The following CNTNAP1 variants were observed in gnomAD, a reference collection of about 807,000 sequenced individuals.
CNTNAP1 encodes contactin-associated protein 1.
CNTNAP1 carries 80 observed loss-of-function variants against 161.5 expected under a neutral mutation model. The observed-to-expected ratio is 0.50, with a 90% CI of 0.41 to 0.60. CNTNAP1 has a LOEUF of 0.60. Among genes scored for constraint, CNTNAP1 ranks in the 20% least tolerant of loss-of-function variants. The pLI is 0.00. For synonymous variants in CNTNAP1, 695 were observed against 733.1 expected (o/e 0.95, Z 0.84); for missense variants, 1,464 against 1,854.8 (o/e 0.79, Z 3.87).
Position 42,687,075 on chromosome 17 carries a change from A to C in CNTNAP1, c.1044+29A>C. Reference sequence around the variant, plus strand: ...AGTGGGCAGGGGGGTCTGGGAGGACAGGATATCAAAGCGTCGTGGAAAGCA... The same window carrying C: ...AGTGGGCAGGGGGGTCTGGGAGGACCGGATATCAAAGCGTCGTGGAAAGCA... On this transcript the variant is annotated intron_variant, in intron 7 of 23. Coordinates refer to ENST00000264638, the MANE Select transcript of CNTNAP1 (RefSeq NM_003632.3). The surrounding 1 kb of genome is among the most constrained non-coding windows in gnomAD (Gnocchi z 4.7). 6.3e-7 allele frequency: 1 copy of C among 1,596,720 alleles called. No homozygotes were observed. The highest frequency in any genetic ancestry group is 8.6e-7 in the Non-Finnish European group (1 of 1,167,034).
chr17:42,687,296 A>G lies in CNTNAP1; in HGVS notation c.1044+250A>G. 1.9e-6 allele frequency: 1 copy of G among 540,184 alleles called. No homozygotes were observed. Among genetic ancestry groups the G allele is most frequent in the Non-Finnish European group, 3.3e-6 (1 of 307,258 alleles). 33.5% of individuals were successfully genotyped at this position (540,184 alleles called of 1,614,324 possible). A position where few individuals can be genotyped will look rare whatever the true frequency, so the allele number is the denominator to read the frequency against. On this transcript the variant is annotated intron_variant, in intron 7 of 23. Coordinates refer to ENST00000264638, the MANE Select transcript of CNTNAP1 (RefSeq NM_003632.3). The surrounding 1 kb of genome is among the most constrained non-coding windows in gnomAD (Gnocchi z 4.7). ...GATGAAGAAAGTAAGGCGCAGACAC[A>G]GGGAGTGGCTTGTCCAGGGGTCGTG... is the stretch of plus-strand genomic sequence containing the variant.
Position 42,697,593 on chromosome 17 carries a change from C to G in CNTNAP1, c.3608C>G (p.Thr1203Ser). Residue 1203 changes from threonine to serine, a missense_variant, in exon 22 of 24, where the codon ACC becomes AGC. By Grantham distance (58) the Thr-to-Ser change is moderately conservative. Transcript: ENST00000264638. Reference sequence around the variant, plus strand: ...GACCCGGAGATCCAGCGCTACAACACCCCAGGTTTCTCAGGCTGCCTGTCT... The same window carrying G: ...GACCCGGAGATCCAGCGCTACAACAGCCCAGGTTTCTCAGGCTGCCTGTCT... ...VIDPEIQRYNTPGFSGCLSGV... is the reference protein window; with the variant it reads ...VIDPEIQRYNSPGFSGCLSGV... 6.2e-7 allele frequency: 1 copy of G among 1,614,104 alleles called. No homozygotes were observed. The highest frequency in any genetic ancestry group is 1.1e-5 in the South Asian group (1 of 91,082).
In CNTNAP1 at chr17:42,692,328, G is replaced by A. The variant is rs58219915; in HGVS notation, c.2531-171G>A. On this transcript the variant is annotated intron_variant, in intron 16 of 23. Coordinates refer to ENST00000264638, the MANE Select transcript of CNTNAP1 (RefSeq NM_003632.3). ...TCTGTGATGTGGGGAGAGACAAAGG[G>A]TATGAGGTTTTTAAGCAGCTGGTAA... Among the ~76,000 whole-genome samples the A allele has an allele frequency of 0.037, 5,657 of 152,292 alleles. 361 individuals are homozygous for A. The highest frequency in any genetic ancestry group is 0.12 in the African/African-American group (5,136 of 41,532).
chr17:42,696,417 G>A (rs2053152950), intron 20 of CNTNAP1, among the ~76,000 whole-genome samples: 1 of 150,592 alleles, frequency 6.6e-6, no homozygotes. Context: ...TCTGCCTCCC[G>A]GGTTCAAGCA....
At position 42,682,554 on chromosome 17, in the gene CNTNAP1, A is replaced by C; in HGVS notation, c.-276A>C. ...GGGAAACCGGCGCGTGCCAGGAGAC[A>C]GAGGCTGGGGAAGGGGGGAGGTGAG... On this transcript the variant is annotated 5_prime_UTR_variant, in exon 1 of 24. Coordinates refer to ENST00000264638, the MANE Select transcript of CNTNAP1 (RefSeq NM_003632.3). 6.1e-6 allele frequency: 3 copies of C among 489,214 alleles called. No individual in the cohort carries two copies. Among genetic ancestry groups the C allele is most frequent in the East Asian group, 3.9e-5 (1 of 25,338 alleles). The allele number at this position is 489,214 out of a possible 1,614,324, so 30.3% of individuals were successfully genotyped here. A position where few individuals can be genotyped will look rare whatever the true frequency, so the allele number is the denominator to read the frequency against.
Position 42,685,109 on chromosome 17 carries a change from T to G in CNTNAP1, c.482T>G (p.Leu161Arg). ...LAWNPRGKIG[L>R]RLGLYGCPYK... ...TGGAACCCACGCGGCAAGATCGGCC[T>G]GAGGCTCGGCCTCTATGGCTGCCCA... Residue 161 changes from leucine to arginine, a missense_variant, in exon 4 of 24, where the codon CTG becomes CGG. This residue lies in a region of CNTNAP1 where 1,383 missense variants were observed against 1,765.0 expected (regional missense o/e 0.78). Coordinates refer to ENST00000264638, the MANE Select transcript of CNTNAP1 (RefSeq NM_003632.3). This position sits in a 1 kb window ranked among gnomAD's most constrained non-coding sequence, Gnocchi z 5.0. The G allele has an allele frequency of 6.3e-7, 1 of 1,581,576 alleles. No individual in the cohort carries two copies. The highest frequency in any genetic ancestry group is 8.6e-7 in the Non-Finnish European group (1 of 1,162,536).
rs567668572 is a variant in CNTNAP1, at chr17:42,698,864, G to A, written c.4109G>A (p.Arg1370Gln). The A allele has an allele frequency of 6.1e-5, 82 of 1,338,548 alleles. No homozygotes were observed. Among genetic ancestry groups the A allele is most frequent in the Admixed American group, 2.1e-4 (10 of 48,546 alleles). The allele number at this position is 1,338,548 out of a possible 1,614,324, so 82.9% of individuals were successfully genotyped here. A position where few individuals can be genotyped will look rare whatever the true frequency, so the allele number is the denominator to read the frequency against. The stretch of plus-strand genomic sequence containing the variant: ...ACTCCAGCCCCAGCCCCTGGCCCCC[G>A]GGATCAGAACCTACCCCAGATCCTG... ...APTPAPAPGPRDQNLPQILEE... is the reference protein window; with the variant it reads ...APTPAPAPGPQDQNLPQILEE... The change falls in exon 24 of 24, where the codon CGG becomes CAG. Residue 1370 changes from arginine (R) to glutamine (Q), a missense_variant. Arg to Gln is a conservative substitution (Grantham distance 43). Transcript: ENST00000264638.
At chr17:42,697,409 G>A in intron 21 of CNTNAP1, 42 bp downstream of exon 21, 1 of 1,609,478 alleles carries the variant, frequency 6.2e-7, no homozygotes, top group Non-Finnish European at 8.5e-7. Context: ...AGGAGCTGTG[G>A]CATATGTTCC....
Position 42,692,479 on chromosome 17 carries a change from C to T in CNTNAP1, c.2531-20C>T, listed in dbSNP as rs1179929800. ...TAGGTCTGAGTCCTTTTCTCCCCTA[C>T]CCTGCATCACACTGTCCAGCATCCC... is the stretch of plus-strand genomic sequence containing the variant. On this transcript the variant is annotated intron_variant, in intron 16 of 23. Coordinates refer to ENST00000264638, the MANE Select transcript of CNTNAP1 (RefSeq NM_003632.3). 2.5e-6 allele frequency: 4 copies of T among 1,604,450 alleles called. No individual in the cohort carries two copies. Among genetic ancestry groups the T allele is most frequent in the Admixed American group, 1.7e-5 (1 of 59,826 alleles).
At position 42,697,897 on chromosome 17, in the gene CNTNAP1, C is replaced by T. The variant is rs1283649183; in HGVS notation, c.3815-6C>T. On this transcript the variant is annotated splice_region_variant and splice_polypyrimidine_tract_variant and intron_variant, in intron 22 of 23. Transcript: ENST00000264638. ...CATCTCCTAACTGGTGCTTTCTCCT[C>T]TCCAGACTTCCCCTACTACCATGAT... 6.2e-7 allele frequency: 1 copy of T among 1,614,058 alleles called. No homozygotes were observed. The highest frequency in any genetic ancestry group is 8.5e-7 in the Non-Finnish European group (1 of 1,180,022).
chr17:42,693,220 AAGTG>A, intron 17 of CNTNAP1, 73 bp from the exon 18 acceptor site: 1 of 1,558,766 alleles, frequency 6.4e-7, no homozygotes, highest in South Asian at 1.1e-5. Flanking sequence ...CGGCCTCCCA[AAGTG>A]CTGGGATTAC....
Position 42,690,094 on chromosome 17 carries a change from A to G in CNTNAP1, c.1742A>G (p.Tyr581Cys). The G allele has an allele frequency of 6.2e-7, 1 of 1,612,988 alleles. No homozygotes were observed. Among genetic ancestry groups the G allele is most frequent in the Non-Finnish European group, 8.5e-7 (1 of 1,179,300 alleles). Reference sequence around the variant, plus strand: ...TCAACCTATTATCTGCCAGCTTTGTATAAGGAATCCTGTGAGGCTTATCGG... The same window carrying G: ...TCAACCTATTATCTGCCAGCTTTGTGTAAGGAATCCTGTGAGGCTTATCGG... ...YKGETCHTPL[Y>C]KESCEAYRLS... is the part of the protein sequence containing the mutation. Residue 581 changes from tyrosine (Y) to cysteine (C), a missense_variant, in exon 12 of 24, where the codon TAT (tyrosine) becomes TGT (cysteine). Around this residue, in one of 3 missense-constraint regions of CNTNAP1, gnomAD observed 1,383 missense variants for 1,765.0 expected, o/e 0.78. Transcript: ENST00000264638.
At chr17:42,697,996 G>A (rs143211101) in intron 23 of CNTNAP1, 46 bp downstream of exon 23, 1 of 1,606,772 alleles carries the variant, frequency 6.2e-7, no homozygotes, top group African/African-American at 1.3e-5. Flanking sequence ...ACTACCCTCT[G>A]ACTGTCAGCA....
At position 42,685,492 on chromosome 17, in the gene CNTNAP1, C is replaced by G; in HGVS notation, c.715+72C>G. ...TCTCACCGCCCTCCTCGTGGCACCT[C>G]CTCCGCGCATCCGCGCTCAGCCTGG... On this transcript the variant is annotated intron_variant, in intron 5 of 23. Transcript: ENST00000264638. The surrounding 1 kb of genome is among the most constrained non-coding windows in gnomAD (Gnocchi z 5.0). 1 of 1,420,014 alleles carries G rather than the reference C, an allele frequency of 7.0e-7. No individual in the cohort carries two copies. The highest frequency in any genetic ancestry group is 1.4e-5 in the African/African-American group (1 of 71,046). The allele number at this position is 1,420,014 out of a possible 1,614,324, so 88.0% of individuals were successfully genotyped here. A position where few individuals can be genotyped will look rare whatever the true frequency, so the allele number is the denominator to read the frequency against.
At chr17:42,690,558 C>T (rs1195555215) in intron 12 of CNTNAP1, among the ~76,000 whole-genome samples, 181 bp from the exon 13 acceptor site, 2 of 151,742 alleles carry the variant, frequency 1.3e-5, no homozygotes, top group African/African-American at 4.8e-5. Context: ...TCCCAGCTTC[C>T]TTACCCATTC....
chr17:42,683,797 T>C, intron 1 of CNTNAP1, 24 bp from the exon 2 acceptor site: 3 of 1,556,014 alleles, frequency 1.9e-6, no homozygotes, highest in Non-Finnish European at 2.6e-6. Context: ...CAGCGCTGAC[T>C]AACAGTCGGT....
At position 42,696,126 on chromosome 17, in the gene CNTNAP1, C is replaced by A; in HGVS notation, c.3448C>A (p.Arg1150Ser). 2 of 1,614,126 alleles carry A rather than the reference C, an allele frequency of 1.2e-6. No homozygotes were observed. Among genetic ancestry groups the A allele is most frequent in the Non-Finnish European group, 1.7e-6 (2 of 1,180,024 alleles). ...CCAGCCCCATAGCATCAATATCACC[C>A]GTGTTTACCGGAACCTCTTCATCCA... ...DGQPHSINIT[R>S]VYRNLFIQVD... The change falls in exon 20 of 24, where the codon CGT (arginine) becomes AGT (serine). Residue 1150 changes from arginine to serine, a missense_variant. Around this residue, in one of 3 missense-constraint regions of CNTNAP1, gnomAD observed 1,383 missense variants for 1,765.0 expected, o/e 0.78. Coordinates refer to ENST00000264638, the MANE Select transcript of CNTNAP1 (RefSeq NM_003632.3).
chr17:42,693,153 G>A (rs778587962), intron 17 of CNTNAP1, 144 bp from the exon 18 acceptor site: 95 of 974,342 alleles, frequency 9.8e-5, no homozygotes, highest in Non-Finnish European at 1.4e-4. Context: ...TAGAGACGGG[G>A]TTTCATCATG....
Position 42,685,712 on chromosome 17 carries a change from T to C in CNTNAP1, c.716-245T>C, listed in dbSNP as rs1470223595. Reference sequence around the variant, plus strand: ...CACACACACAGACGCACACACATTGTATCTCATTAGCTTTTCATAACACCC... The same window carrying C: ...CACACACACAGACGCACACACATTGCATCTCATTAGCTTTTCATAACACCC... On this transcript the variant is annotated intron_variant, in intron 5 of 23. Coordinates refer to ENST00000264638, the MANE Select transcript of CNTNAP1 (RefSeq NM_003632.3). The surrounding 1 kb of genome is among the most constrained non-coding windows in gnomAD (Gnocchi z 5.0). Among the ~76,000 whole-genome samples, 1 of 152,202 alleles carries C rather than the reference T, an allele frequency of 6.6e-6. No homozygotes were observed. The highest frequency in any genetic ancestry group is 2.4e-5 in the African/African-American group (1 of 41,454).
Sources: gnomAD v4.1 joint callset for allele counts (sites outside exome capture counted in the v4.1 genomes callset) on GRCh38, gnomAD v4.1.1 for gene constraint, gnomAD v4.1.1 regional missense constraint, Gnocchi (gnomAD v3.1) non-coding constraint, MANE v1.5 for transcripts, NCBI Gene and HGNC (gene_info 2026-07-23, HGNC 2026-07-21) for gene names.